AOPEP: variants seen among roughly 807,000 people sequenced by gnomAD.
AOPEP encodes the protein aminopeptidase O.
A neutral mutation model predicts 98.1 loss-of-function variants in AOPEP; 77 were observed. The ratio of observed to expected loss-of-function variants is 0.78; its 90% confidence interval spans 0.65 to 0.95. The LOEUF (loss-of-function observed/expected upper bound fraction) is 0.95. Among genes scored for constraint, AOPEP ranks in the 40% least tolerant of loss-of-function variants. The pLI, the probability that AOPEP is intolerant of heterozygous loss-of-function variation, is 0.00. For synonymous variants in AOPEP, 346 were observed against 365.3 expected (o/e 0.95, Z 0.60); for missense variants, 1,024 against 1,024.7 (o/e 1.00, Z 0.01).
chr9:95,110,450 G>T, the AOPEP span: 1 of 1,027,602 alleles, frequency 9.7e-7, no homozygotes, highest in Non-Finnish European at 1.2e-6. Flanking sequence ...TCTTTTAAAG[G>T]GGAAGAAATA....
chr9:94,858,082 TG>T (rs1223494566), intron 5 of AOPEP, among the ~76,000 whole-genome samples: 3 of 149,446 alleles, frequency 2.0e-5, no homozygotes. Context: ...AGTTCTAGTT[TG>T]AAAAAAAAAA....
intron 10 of AOPEP, among the ~76,000 whole-genome samples, chr9:94,968,201 G>A (rs1427594766): frequency 1.3e-5 from 2 of 152,150 alleles, no homozygotes; most frequent in Non-Finnish European, 2.9e-5. Context: ...GTAAGAGCTT[G>A]GGATGTAAAA....
chr9:95,007,151 C>T (rs1202557704), intron 13 of AOPEP, among the ~76,000 whole-genome samples: 2 of 152,102 alleles, frequency 1.3e-5, no homozygotes, highest in African/African-American at 2.4e-5. Context: ...CTGCCCGCCT[C>T]GGTGTCCCAA....
chr9:94,840,359 G>A (rs7025234), intron 5 of AOPEP, among the ~76,000 whole-genome samples: 118,879 of 152,140 alleles, frequency 0.78, 47,915 homozygotes, highest in Non-Finnish European at 0.89. Context: ...ATTTGATTCT[G>A]ATGTATTATT....
chr9:94,898,058 T>C (rs1345906218), intron 5 of AOPEP, among the ~76,000 whole-genome samples: 1 of 151,734 alleles, frequency 6.6e-6, no homozygotes, highest in Non-Finnish European at 1.5e-5. Flanking sequence ...CAGGCTGGTC[T>C]AGAACTCCTG....
the AOPEP span, among the ~76,000 whole-genome samples, chr9:95,094,217 G>A: frequency 1.3e-5 from 2 of 152,230 alleles, no homozygotes; most frequent in African/African-American, 2.4e-5. Flanking sequence ...CTAGATGTGC[G>A]CACTAGTGTG....
At chr9:95,063,299 C>A (rs1271657053) in intron 14 of AOPEP, among the ~76,000 whole-genome samples, 2 of 152,230 alleles carry the variant, frequency 1.3e-5, no homozygotes, top group South Asian at 4.1e-4. Flanking sequence ...CTTAGCAGGT[C>A]TCTTAAGCTG....
At chr9:95,082,340 G>A (rs1239782758) in intron 15 of AOPEP, among the ~76,000 whole-genome samples, 1 of 152,228 alleles carries the variant, frequency 6.6e-6, no homozygotes, top group Non-Finnish European at 1.5e-5. Flanking sequence ...GTCAGAGTCT[G>A]TGTAGAGAAT....
At chr9:94,921,088 C>T (rs187405030) in intron 5 of AOPEP, 1 of 136,192 alleles carries the variant, frequency 7.3e-6, no homozygotes, top group Non-Finnish European at 1.6e-5. Context: ...AAAAAAAAGA[C>T]AAGAAAGAAA....
rs5899241 is a variant in AOPEP, at chr9:95,007,388, TGG to T, written c.2115+1780_2115+1781del. ...CCTGAGAATCGGGGTGGGGAGAAAG[TGG>T]GGGGGGGACTGATTATTTTACCTTG... On this transcript the variant is annotated intron_variant, in intron 13 of 16. Coordinates refer to ENST00000375315, the MANE Select transcript of AOPEP (RefSeq NM_001193329.3). Among the ~76,000 whole-genome samples the T allele has an allele frequency of 8.9e-3, 1,304 of 146,816 alleles. 24 individuals are homozygous for T. Among genetic ancestry groups the T allele is most frequent in the African/African-American group, 0.032 (1,234 of 39,160 alleles).
chr9:94,934,265 TTCCCTCTCCCTC>T, intron 7 of AOPEP, among the ~76,000 whole-genome samples: 1 of 143,772 alleles, frequency 7.0e-6, no homozygotes, highest in East Asian at 2.3e-4. Context: ...CCTCCCTCCC[TTCCCTCTCCCTC>T]TCCCTCTAAC....
the AOPEP span, chr9:95,099,356 G>C: frequency 4.4e-5 from 10 of 227,820 alleles, no homozygotes; most frequent in Non-Finnish European, 7.8e-5. Context: ...GTGGCTTCAC[G>C]CCTTGCCATC....
chr9:95,098,691 G>A, the AOPEP span, among the ~76,000 whole-genome samples: 1 of 152,246 alleles, frequency 6.6e-6, no homozygotes, highest in Non-Finnish European at 1.5e-5. Context: ...GAGCGAGCAA[G>A]AGTGGGTGGG....
chr9:95,127,577 C>T, the AOPEP span, among the ~76,000 whole-genome samples: 2 of 152,192 alleles, frequency 1.3e-5, no homozygotes, highest in Admixed American at 1.3e-4. Context: ...GGCTCCTCTC[C>T]GCTGTGCGCC....
intron 14 of AOPEP, among the ~76,000 whole-genome samples, chr9:95,061,583 A>T (rs1189134056): frequency 6.6e-6 from 1 of 152,248 alleles, no homozygotes; most frequent in Non-Finnish European, 1.5e-5. Context: ...CACAATGAAT[A>T]GTGAAGACAC....
intron 14 of AOPEP, among the ~76,000 whole-genome samples, chr9:95,077,314 G>A (rs528115408): frequency 1.6e-3 from 239 of 152,344 alleles, no homozygotes; most frequent in African/African-American, 5.4e-3. Flanking sequence ...CAGCCAGGAA[G>A]TGTGGCTTTC....
intron 13 of AOPEP, among the ~76,000 whole-genome samples, chr9:95,031,804 G>A (rs186894318): frequency 4.6e-5 from 7 of 152,258 alleles, no homozygotes; most frequent in African/African-American, 7.2e-5. Context: ...TCAAACAAGC[G>A]AACACTGTTT....
At chr9:94,959,309 C>T (rs1376021568) in intron 9 of AOPEP, among the ~76,000 whole-genome samples, 1 of 152,172 alleles carries the variant, frequency 6.6e-6, no homozygotes, top group Non-Finnish European at 1.5e-5. Flanking sequence ...TCCCAAAATG[C>T]TGGGATTACA....
chr9:95,123,526 GA>G, the AOPEP span: 1 of 504,960 alleles, frequency 2.0e-6, no homozygotes, highest in Middle Eastern at 3.1e-4. Flanking sequence ...CCAATATGAT[GA>G]AAAAAAGAAG....
Sources: allele counts gnomAD v4.1 joint callset (sites outside exome capture counted in the v4.1 genomes callset), GRCh38; gene constraint gnomAD v4.1.1; transcripts MANE v1.5; gene names NCBI Gene and HGNC (gene_info 2026-07-23, HGNC 2026-07-21).